Variants in TUBG2 observed in about 807,000 individuals in gnomAD.
TUBG2 encodes tubulin gamma-2 chain.
TUBG2 carries 39 observed loss-of-function variants against 55.1 expected under a neutral mutation model. That is an observed-to-expected ratio of 0.71 (90% CI 0.55 to 0.93). The LOEUF (loss-of-function observed/expected upper bound fraction) is 0.93, where lower values mean the gene tolerates loss of function less well. Among genes scored for constraint, TUBG2 ranks in the 40% least tolerant of loss-of-function variants. The pLI, the probability that TUBG2 is intolerant of heterozygous loss-of-function variation, is 0.00. For synonymous variants in TUBG2, 223 were observed against 241.0 expected (o/e 0.93, Z 0.69); for missense variants, 358 against 599.1 (o/e 0.60, Z 4.20).
At chr17:42,660,745 G>A in intron 4 of TUBG2, 38 bp downstream of exon 4, 1 of 1,596,404 alleles carries the variant, frequency 6.3e-7, no homozygotes, top group Non-Finnish European at 8.6e-7. Context: ...GGGCAGGGAG[G>A]CCGAAGAGTG....
rs376456859 is a variant in TUBG2 at position 42,663,942 on chromosome 17, C to CAAAAA, written c.606+450_606+454dup. Among the ~76,000 whole-genome samples the CAAAAA allele has an allele frequency of 4.6e-5, 6 of 130,138 alleles. No individual in the cohort carries two copies. In the East Asian group the frequency reaches 1.1e-3, roughly 24 times the overall value. The allele number at this position is 130,138 out of a possible 152,430, so 85.4% of individuals were successfully genotyped here. A position where few individuals can be genotyped will look rare whatever the true frequency, so the allele number is the denominator to read the frequency against. ...TGGGTGACAGAGCGAGACTCTGTCTCAAAAAAAAAAAAAAATTAGCCAGTC... is the reference window on the plus strand; with the variant it reads ...TGGGTGACAGAGCGAGACTCTGTCTCAAAAAAAAAAAAAAAAAAAATTAGCCAGTC... On this transcript the variant is annotated intron_variant, in intron 6 of 10. Coordinates refer to ENST00000251412, the MANE Select transcript of TUBG2 (RefSeq NM_016437.3).
In TUBG2 at chr17:42,665,450, G is replaced by A. The variant is rs575040748; in HGVS notation, c.607-26G>A. 18 of 1,614,024 alleles carry A rather than the reference G, an allele frequency of 1.1e-5. No homozygotes were observed. In the Middle Eastern group the frequency reaches 5.0e-4, roughly 45 times the overall value. ...TCTATGCCCATTTTATCCTCAAGAT[G>A]CTGTGATGCTCTTCTGTCCCCCCAG... On this transcript the variant is annotated intron_variant, in intron 6 of 10. Transcript: ENST00000251412.
At chr17:42,663,151 A>G in intron 5 of TUBG2, 99 bp downstream of exon 5, 8 of 1,388,726 alleles carry the variant, frequency 5.8e-6, no homozygotes, top group Non-Finnish European at 8.0e-6. Flanking sequence ...ACCCCTTTTG[A>G]GTCATAGGGA....
rs1176613902 is a variant in TUBG2, at chr17:42,666,441, G to A, written c.1115G>A (p.Arg372Gln). ...TCTCCCTACCTGCCCTCGGCCCACC[G>A]GGTCAGCGGGCTCATGATGGCCAAC... ...RKSPYLPSAHRVSGLMMANHT... is the reference protein window; with the variant it reads ...RKSPYLPSAHQVSGLMMANHT... Residue 372 changes from arginine to glutamine, a missense_variant, in exon 10 of 11, where the codon CGG becomes CAG. This residue lies in a region of TUBG2 where 129 missense variants were observed against 251.6 expected (regional missense o/e 0.51). Transcript: ENST00000251412. The A allele has an allele frequency of 6.2e-7, 1 of 1,614,128 alleles. No individual in the cohort carries two copies.
chr17:42,659,612 A>G (rs1281251954), intron 1 of TUBG2, 60 bp downstream of exon 1: 2 of 1,507,682 alleles, frequency 1.3e-6, no homozygotes, highest in African/African-American at 2.8e-5. Context: ...GTCCCACCCA[A>G]GTGCCTGGCT....
Position 42,665,787 on chromosome 17 carries a change from T to C in TUBG2, c.803T>C (p.Phe268Ser), listed in dbSNP as rs2052519081. The C allele has an allele frequency of 6.2e-7, 1 of 1,613,950 alleles. No individual in the cohort carries two copies. Among genetic ancestry groups the C allele is most frequent in the Non-Finnish European group, 8.5e-7 (1 of 1,179,998 alleles). The change falls in exon 8 of 11, where the codon TTC (phenylalanine) becomes TCC (serine). Residue 268 changes from phenylalanine (F) to serine (S), a missense_variant. By Grantham distance (155) the Phe-to-Ser change is radical. This residue lies in a region of TUBG2 where 129 missense variants were observed against 251.6 expected (regional missense o/e 0.51). Transcript: ENST00000251412. ...ASLIPTPRLH[F>S]LMTGYTPLTT... ...CTCATTCCCACCCCACGGCTCCACT[T>C]CCTCATGACCGGCTACACCCCGCTC... is the stretch of plus-strand genomic sequence containing the variant.
chr17:42,662,573 T>G (rs1319276060), intron 4 of TUBG2, among the ~76,000 whole-genome samples: 1 of 150,390 alleles, frequency 6.6e-6, no homozygotes, highest in African/African-American at 2.5e-5. Flanking sequence ...GCCATTGCAC[T>G]ACAGCTTGGG....
chr17:42,660,866 T>C (rs767905652), intron 4 of TUBG2, 159 bp downstream of exon 4: 1 of 630,790 alleles, frequency 1.6e-6, no homozygotes, highest in Non-Finnish European at 2.9e-6. Context: ...TAAGATATAA[T>C]CTTTGTTCTC....
At chr17:42,665,289 C>T (rs559547805) in intron 6 of TUBG2, among the ~76,000 whole-genome samples, 187 bp from the exon 7 acceptor site, 2 of 151,960 alleles carry the variant, frequency 1.3e-5, no homozygotes, top group South Asian at 2.1e-4. Flanking sequence ...CCTTGTGATC[C>T]GCCCGTCTCG....
intron 6 of TUBG2, among the ~76,000 whole-genome samples, chr17:42,664,046 CG>C (rs770691836): frequency 1.3e-5 from 2 of 151,762 alleles, no homozygotes; most frequent in Non-Finnish European, 2.9e-5. Flanking sequence ...GCAAAGGTTG[CG>C]GTGAGTCAAG....
chr17:42,665,779 G>A lies in TUBG2; in HGVS notation c.795G>A (p.Arg265=), dbSNP rs1436741727. The A allele has an allele frequency of 6.2e-7, 1 of 1,614,080 alleles. No homozygotes were observed. Among genetic ancestry groups the A allele is most frequent in the East Asian group, 2.2e-5 (1 of 44,874 alleles). ...TCGCCTCGCTCATTCCCACCCCACG[G>A]CTCCACTTCCTCATGACCGGCTACA... is the stretch of plus-strand genomic sequence containing the variant. ...GLIASLIPTP[R]LHFLMTGYTP... Residue 265 remains arginine, a synonymous_variant, in exon 8 of 11, where the codon CGG becomes CGA. Coordinates refer to ENST00000251412, the MANE Select transcript of TUBG2 (RefSeq NM_016437.3).
In TUBG2 at chr17:42,662,869, G is replaced by A. The variant is rs551128678; in HGVS notation, c.400-104G>A. The stretch of plus-strand genomic sequence containing the variant: ...GCTGGCATCTACTGTAGAATTGACT[G>A]CTTACCTGATGTGTGTGGTAAGACC... On this transcript the variant is annotated intron_variant, in intron 4 of 10. Coordinates refer to ENST00000251412, the MANE Select transcript of TUBG2 (RefSeq NM_016437.3). 41 of 1,092,660 alleles carry A rather than the reference G, an allele frequency of 3.8e-5. No homozygotes were observed. The South Asian group carries it at 5.7e-4, about 15-fold the overall frequency. The allele number at this position is 1,092,660 out of a possible 1,614,324, so 67.7% of individuals were successfully genotyped here.
chr17:42,663,270 T>G, intron 5 of TUBG2, 107 bp from the exon 6 acceptor site: 1 of 1,522,920 alleles, frequency 6.6e-7, no homozygotes, highest in African/African-American at 1.4e-5. Flanking sequence ...CCTTTTTGGC[T>G]CTGAAGACTC....
rs965043721 is a variant in TUBG2 at position 42,659,332 on chromosome 17, C to T, written c.-172C>T. The T allele has an allele frequency of 1.5e-5, 9 of 619,812 alleles. No homozygotes were observed. The highest frequency in any genetic ancestry group is 1.4e-4 in the African/African-American group (7 of 51,226). The allele number at this position is 619,812 out of a possible 1,614,324, so 38.4% of individuals were successfully genotyped here. The stretch of plus-strand genomic sequence containing the variant: ...AGAAAATGATGCCCAGGTTGGGCTC[C>T]CCGGCCCACCGGCCGAGGAGAGGCC... On this transcript the variant is annotated 5_prime_UTR_variant, in exon 1 of 11. Coordinates refer to ENST00000251412, the MANE Select transcript of TUBG2 (RefSeq NM_016437.3).
intron 6 of TUBG2, 45 bp from the exon 7 acceptor site, chr17:42,665,431 C>G (rs2052504276): frequency 6.2e-7 from 1 of 1,613,402 alleles, no homozygotes; most frequent in African/African-American, 1.3e-5. Context: ...TATTTCTATG[C>G]CCATTTTATC....
chr17:42,665,969 G>A lies in TUBG2; in HGVS notation c.844-118G>A, dbSNP rs939788772. 2.5e-5 allele frequency: 40 copies of A among 1,590,640 alleles called. No individual in the cohort carries two copies. In the African/African-American group the frequency reaches 4.3e-4, roughly 17 times the overall value. ...TGCGCTCAGGGACTGGCACAGAGCG[G>A]GCGACTTTCTTGCTGACTTTCTCTC... On this transcript the variant is annotated intron_variant, in intron 8 of 10. Transcript: ENST00000251412.
chr17:42,659,758 T>C (rs1445572927), intron 1 of TUBG2, 76 bp from the exon 2 acceptor site: 8 of 1,573,462 alleles, frequency 5.1e-6, no homozygotes, highest in African/African-American at 1.4e-5. Flanking sequence ...TCTGATCGTG[T>C]CAGCCTCTGA....
chr17:42,665,891 C>T, intron 8 of TUBG2, 64 bp downstream of exon 8: 1 of 1,607,688 alleles, frequency 6.2e-7, no homozygotes, highest in African/African-American at 1.3e-5. Context: ...CTGCCCCAGC[C>T]TTTCTCTCTT....
intron 6 of TUBG2, 29 bp downstream of exon 6, chr17:42,663,532 G>A: frequency 1.2e-6 from 2 of 1,612,688 alleles, no homozygotes; most frequent in Non-Finnish European, 1.7e-6. Context: ...GAGGGGCTGG[G>A]TGTGGTGGCT....
Sources: allele counts gnomAD v4.1 joint callset (sites outside exome capture counted in the v4.1 genomes callset), GRCh38; gene constraint gnomAD v4.1.1; regional missense constraint gnomAD v4.1.1; transcripts MANE v1.5; gene names NCBI Gene and HGNC (gene_info 2026-07-23, HGNC 2026-07-21).